The following ANKS1B variants were observed in gnomAD, a reference collection of about 807,000 sequenced individuals.
ANKS1B encodes the protein ankyrin repeat and sterile alpha motif domain containing 1B.
Under a neutral mutation model 148.3 loss-of-function variants are expected in ANKS1B, and 36 were observed. That is an observed-to-expected ratio of 0.24 (90% CI 0.19 to 0.32). The LOEUF is 0.32. ANKS1B is among the 10% of genes least tolerant of loss of function. ANKS1B has a pLI of 1.00. For synonymous variants in ANKS1B, 542 were observed against 560.8 expected (o/e 0.97, Z 0.47); for missense variants, 1,157 against 1,542.6 (o/e 0.75, Z 4.19).
intron 4 of ANKS1B, among the ~76,000 whole-genome samples, chr12:99,798,423 T>TAAAAAAAAAAAAAAAA (rs61020616): frequency 1.3e-5 from 1 of 78,646 alleles, no homozygotes; most frequent in African/African-American, 4.3e-5. Context: ...CTCTTGGAAT[T>TAAAAAAAAAAAAAAAA]AAAAAAAAAA....
intron 16 of ANKS1B, among the ~76,000 whole-genome samples, chr12:99,069,233 G>A (rs1194388848): frequency 1.3e-5 from 2 of 152,138 alleles, no homozygotes; most frequent in Admixed American, 6.5e-5. Flanking sequence ...TGGGTCTCGG[G>A]ACACAAGGTA....
chr12:98,999,114 G>C (rs2099931397), intron 17 of ANKS1B, among the ~76,000 whole-genome samples: 1 of 152,216 alleles, frequency 6.6e-6, no homozygotes, highest in Non-Finnish European at 1.5e-5. Context: ...ATCTAGAAAA[G>C]CACAGGCAGA....
chr12:99,010,912 T>G (rs1027407938), intron 17 of ANKS1B, among the ~76,000 whole-genome samples: 7 of 149,978 alleles, frequency 4.7e-5, no homozygotes, highest in South Asian at 2.1e-4. Context: ...TTTTTTTTTT[T>G]TTTTTTTTTT....
At chr12:99,593,632 TAAAG>T (rs1477785360) in intron 9 of ANKS1B, among the ~76,000 whole-genome samples, 1 of 152,054 alleles carries the variant, frequency 6.6e-6, no homozygotes, top group Non-Finnish European at 1.5e-5. Context: ...ATCGAAGCGA[TAAAG>T]AAGGAATTAT....
chr12:98,907,005 CTGTGTGTGTGTGTG>C (rs59857138), intron 17 of ANKS1B, among the ~76,000 whole-genome samples: 80 of 145,744 alleles, frequency 5.5e-4, no homozygotes, highest in African/African-American at 1.4e-3. Flanking sequence ...CATAGTTACT[CTGTGTGTGTGTGTG>C]TGTGTGTGTG....
chr12:99,757,238 TAAAC>T (rs2061653520), intron 8 of ANKS1B, among the ~76,000 whole-genome samples: 1 of 149,540 alleles, frequency 6.7e-6, no homozygotes, highest in African/African-American at 2.5e-5. Context: ...TTAAGGAACT[TAAAC>T]AAATTTACAA....
chr12:99,317,693 A>C (rs956937432), intron 12 of ANKS1B, among the ~76,000 whole-genome samples: 5 of 152,200 alleles, frequency 3.3e-5, no homozygotes, highest in African/African-American at 1.2e-4. Context: ...CAGAACTTCC[A>C]ACACTATGTT....
intron 13 of ANKS1B, among the ~76,000 whole-genome samples, chr12:99,245,963 C>T (rs766404192): frequency 3.2e-4 from 48 of 152,052 alleles, no homozygotes; most frequent in Non-Finnish European, 3.7e-4. Flanking sequence ...AGCTTTTTCT[C>T]GATTTGTCAG....
At chr12:99,217,021 T>C (rs965021669) in intron 14 of ANKS1B, among the ~76,000 whole-genome samples, 2 of 152,118 alleles carry the variant, frequency 1.3e-5, no homozygotes, top group East Asian at 1.9e-4. Context: ...GGAAGCTGTG[T>C]GTTAAAGGTG....
chr12:99,533,401 T>C (rs2097024147), intron 9 of ANKS1B, among the ~76,000 whole-genome samples: 1 of 152,210 alleles, frequency 6.6e-6, no homozygotes, highest in Non-Finnish European at 1.5e-5. Flanking sequence ...TCTGAGACTT[T>C]AGTGAATTCA....
intron 17 of ANKS1B, among the ~76,000 whole-genome samples, chr12:98,983,672 C>T (rs1402305563): frequency 6.6e-6 from 1 of 152,270 alleles, no homozygotes; most frequent in African/African-American, 2.4e-5. Context: ...GCTTTGATTC[C>T]ATTACAGCAT....
At chr12:99,278,851 T>A (rs2078027824) in intron 12 of ANKS1B, among the ~76,000 whole-genome samples, 1 of 152,240 alleles carries the variant, frequency 6.6e-6, no homozygotes, top group Non-Finnish European at 1.5e-5. Context: ...GTGGACAATG[T>A]AATTGCATTA....
intron 3 of ANKS1B, among the ~76,000 whole-genome samples, chr12:99,810,439 A>C (rs963392187): frequency 6.6e-6 from 1 of 152,082 alleles, no homozygotes; most frequent in African/African-American, 2.4e-5. Context: ...CTATAAAAAT[A>C]AAAATCCTAC....
chr12:99,298,222 G>A (rs2081157849), intron 12 of ANKS1B, among the ~76,000 whole-genome samples: 2 of 152,168 alleles, frequency 1.3e-5, no homozygotes, highest in Non-Finnish European at 2.9e-5. Context: ...ACGTACCAAT[G>A]ATATGGGCTG....
chr12:99,207,705 G>A (rs2249601), intron 14 of ANKS1B, among the ~76,000 whole-genome samples: 117,707 of 151,962 alleles, frequency 0.77, 45,662 homozygotes, highest in East Asian at 0.88. Context: ...AATAAAGGAA[G>A]TAACTCCAAA....
At chr12:99,659,501 C>A (rs2098465601) in intron 8 of ANKS1B, among the ~76,000 whole-genome samples, 1 of 152,002 alleles carries the variant, frequency 6.6e-6, no homozygotes, top group South Asian at 2.1e-4. Flanking sequence ...TATGTTGTTG[C>A]AAATTGAAAA....
chr12:98,863,955 C>A (rs1179091084), intron 17 of ANKS1B, among the ~76,000 whole-genome samples: 2 of 152,138 alleles, frequency 1.3e-5, no homozygotes, highest in Non-Finnish European at 2.9e-5. Context: ...TAGACATAAA[C>A]ACGAGTTTAT....
chr12:98,990,268 T>C (rs2099925796), intron 17 of ANKS1B, among the ~76,000 whole-genome samples: 1 of 152,152 alleles, frequency 6.6e-6, no homozygotes, highest in African/African-American at 2.4e-5. Context: ...TTTGTAGCTA[T>C]TGTAATTAGG....
intron 8 of ANKS1B, among the ~76,000 whole-genome samples, chr12:99,661,328 T>C (rs1288646465): frequency 6.6e-6 from 1 of 152,212 alleles, no homozygotes; most frequent in East Asian, 1.9e-4. Flanking sequence ...CTTATGTCTT[T>C]AGATGAATGC....
Sources: gnomAD v4.1 joint callset for allele counts (sites outside exome capture counted in the v4.1 genomes callset) on GRCh38, gnomAD v4.1.1 for gene constraint, MANE v1.5 for transcripts, NCBI Gene and HGNC (gene_info 2026-07-23, HGNC 2026-07-21) for gene names.